Variants in STX17 observed in about 807,000 individuals in gnomAD.
The protein encoded by STX17 is syntaxin 17, also known as syntaxin-17.
Under a neutral mutation model 35.9 loss-of-function variants are expected in STX17, and 29 were observed. The observed-to-expected ratio is 0.81, with a 90% CI of 0.60 to 1.10. The LOEUF is 1.10. Ranked by LOEUF, STX17 falls within the 50% of genes least tolerant of loss-of-function variation. STX17 has a pLI of 0.00. For synonymous variants in STX17, 92 were observed against 118.3 expected (o/e 0.78, Z 1.44); for missense variants, 312 against 352.3 (o/e 0.89, Z 0.92).
intron 2 of STX17, among the ~76,000 whole-genome samples, chr9:99,918,496 T>C (rs368098257): frequency 7.9e-5 from 12 of 152,062 alleles, no homozygotes; most frequent in African/African-American, 2.9e-4. Flanking sequence ...CATAACATCT[T>C]TCTATAGTTT....
chr9:99,972,681 T>C lies in STX17; in HGVS notation c.*4008T>C, dbSNP rs1830039009. On this transcript the variant is annotated 3_prime_UTR_variant, in exon 8 of 8. Coordinates refer to ENST00000259400, the MANE Select transcript of STX17 (RefSeq NM_017919.3). ...TCAATCACAAGAAGTTGAGGAAACC[T>C]GTAATATAGCTAGATAATATACAAC... Among the ~76,000 whole-genome samples the C allele has an allele frequency of 6.6e-6, 1 of 152,222 alleles. No homozygotes were observed. Among genetic ancestry groups the C allele is most frequent in the African/African-American group, 2.4e-5 (1 of 41,462 alleles).
intron 3 of STX17, among the ~76,000 whole-genome samples, chr9:99,946,531 A>G (rs997434168): frequency 2.0e-5 from 3 of 152,192 alleles, no homozygotes; most frequent in African/African-American, 7.2e-5. Context: ...TAGTAGAGTT[A>G]CTGGTCATCT....
intron 1 of STX17, 178 bp from the exon 2 acceptor site, chr9:99,915,000 G>T: frequency 3.9e-6 from 1 of 259,402 alleles, no homozygotes; most frequent in South Asian, 8.1e-5. Context: ...TATAATTTTT[G>T]TAAAGAGAAA....
Position 99,938,373 on chromosome 9 carries a change from C to T in STX17, c.189+9530C>T, listed in dbSNP as rs866873491. Among the ~76,000 whole-genome samples the T allele has an allele frequency of 7.2e-5, 11 of 151,968 alleles. No homozygotes were observed. In the South Asian group the frequency reaches 1.5e-3, roughly 20 times the overall value. ...GTATACTTAACAATTTTCTTTTCTA[C>T]GATAAGAAAACATTAGGATTAAGAA... is the stretch of plus-strand genomic sequence containing the variant. On this transcript the variant is annotated intron_variant, in intron 3 of 7. Transcript: ENST00000259400.
chr9:99,945,548 G>C (rs1197995129), intron 3 of STX17, among the ~76,000 whole-genome samples: 5 of 151,766 alleles, frequency 3.3e-5, no homozygotes, highest in Non-Finnish European at 7.4e-5. Context: ...TCTTTATCCT[G>C]TAACTGGAAT....
intron 2 of STX17, among the ~76,000 whole-genome samples, chr9:99,921,322 C>CT (rs897601445): frequency 1.3e-5 from 2 of 151,820 alleles, no homozygotes; most frequent in Admixed American, 6.6e-5. Context: ...TTCCATAAGA[C>CT]TTTTTTTTAT....
chr9:99,908,541 A>G (rs1828597748), intron 1 of STX17, among the ~76,000 whole-genome samples: 1 of 152,134 alleles, frequency 6.6e-6, no homozygotes, highest in Non-Finnish European at 1.5e-5. Flanking sequence ...TATGTTTGAA[A>G]TTGTTCCAGC....
intron 1 of STX17, among the ~76,000 whole-genome samples, chr9:99,908,804 G>C (rs753647373): frequency 7.2e-5 from 11 of 152,212 alleles, no homozygotes; most frequent in African/African-American, 9.6e-5. Context: ...GGGTAACATT[G>C]CTTCCAGGGC....
chr9:99,911,742 A>C (rs1329820041), intron 1 of STX17, among the ~76,000 whole-genome samples: 1 of 151,846 alleles, frequency 6.6e-6, no homozygotes, highest in East Asian at 1.9e-4. Flanking sequence ...ACACCCAGCT[A>C]ATTTTTAAAT....
At position 99,935,329 on chromosome 9, in the gene STX17, CA is replaced by C. The variant is rs35032937; in HGVS notation, c.189+6505del. On this transcript the variant is annotated intron_variant, in intron 3 of 7. Transcript: ENST00000259400. ...TGGGTGACAGAGCGACACTCCATCTCAAAAAAAAAAAAAAAAAAAGAAAAAG... is the reference window on the plus strand; with the variant it reads ...TGGGTGACAGAGCGACACTCCATCTCAAAAAAAAAAAAAAAAAAGAAAAAG... Among the ~76,000 whole-genome samples, 573 of 100,942 alleles carry C rather than the reference CA, an allele frequency of 5.7e-3. 2 individuals carry two copies. The highest frequency in any genetic ancestry group is 8.3e-3 in the African/African-American group (217 of 26,262). The allele number at this position is 100,942 out of a possible 152,430, so 66.2% of individuals were successfully genotyped here. A position where few individuals can be genotyped will look rare whatever the true frequency, so the allele number is the denominator to read the frequency against.
Position 99,951,042 on chromosome 9 carries a change from G to T in STX17, c.190-18G>T. On this transcript the variant is annotated intron_variant, in intron 3 of 7. Coordinates refer to ENST00000259400, the MANE Select transcript of STX17 (RefSeq NM_017919.3). ...TATACTAAGAAATGGTGGCATTAAT[G>T]ATTTTTTTCTTTTATAGCAACTCCG... 1.3e-6 allele frequency: 2 copies of T among 1,583,480 alleles called. No homozygotes were observed. The highest frequency in any genetic ancestry group is 2.3e-5 in the South Asian group (2 of 86,216).
intron 3 of STX17, 73 bp from the exon 4 acceptor site, chr9:99,950,987 A>T: frequency 7.7e-7 from 1 of 1,300,126 alleles, no homozygotes; most frequent in Non-Finnish European, 1.1e-6. Context: ...CACAACTATT[A>T]TAACATTACT....
chr9:99,914,335 C>T (rs780764927), intron 1 of STX17, among the ~76,000 whole-genome samples: 28 of 152,158 alleles, frequency 1.8e-4, no homozygotes, highest in Non-Finnish European at 3.2e-4. Flanking sequence ...TTTATATAAG[C>T]TCTGATAAGC....
At chr9:99,908,377 A>G (rs1041086090) in intron 1 of STX17, among the ~76,000 whole-genome samples, 1 of 151,988 alleles carries the variant, frequency 6.6e-6, no homozygotes, top group African/African-American at 2.4e-5. Context: ...TCTAATGATG[A>G]TTTTCTACTT....
At chr9:99,908,039 A>G (rs562797652) in intron 1 of STX17, among the ~76,000 whole-genome samples, 1 of 152,170 alleles carries the variant, frequency 6.6e-6, no homozygotes, top group African/African-American at 2.4e-5. Flanking sequence ...GTGCCCCTCA[A>G]ATGGGGTTTG....
chr9:99,927,641 AT>A (rs1829015889), intron 2 of STX17, among the ~76,000 whole-genome samples: 1 of 151,756 alleles, frequency 6.6e-6, no homozygotes, highest in South Asian at 2.1e-4. Flanking sequence ...TGCCCAGATA[AT>A]TTTTTTGTAC....
At chr9:99,919,509 T>C (rs189569316) in intron 2 of STX17, among the ~76,000 whole-genome samples, 1 of 152,338 alleles carries the variant, frequency 6.6e-6, no homozygotes, top group East Asian at 1.9e-4. Context: ...AACATATCCA[T>C]ACTCTTTCTA....
intron 1 of STX17, among the ~76,000 whole-genome samples, chr9:99,913,561 TG>T (rs1294638154): frequency 1.3e-5 from 2 of 152,138 alleles, no homozygotes; most frequent in African/African-American, 4.8e-5. Flanking sequence ...TGGAATAGAA[TG>T]TTTTTGGATA....
At chr9:99,906,819 A>C (rs895269803) in intron 1 of STX17, 113 bp downstream of exon 1, 48 of 152,422 alleles carry the variant, frequency 3.1e-4, no homozygotes, top group African/African-American at 1.1e-3. Flanking sequence ...AGGGCATTGG[A>C]TCCGAAGTGC....
Sources: gnomAD v4.1 joint callset for allele counts (sites outside exome capture counted in the v4.1 genomes callset) on GRCh38, gnomAD v4.1.1 for gene constraint, MANE v1.5 for transcripts, NCBI Gene and HGNC (gene_info 2026-07-23, HGNC 2026-07-21) for gene names.